CXCL13: variants seen among roughly 807,000 people sequenced by gnomAD.
The protein encoded by CXCL13 is C-X-C motif chemokine 13.
A neutral mutation model predicts 12.2 loss-of-function variants in CXCL13; 7 were observed. The ratio of observed to expected loss-of-function variants is 0.57; its 90% CI spans 0.33 to 1.07. The LOEUF (loss-of-function observed/expected upper bound fraction) is 1.07. CXCL13 is among the 50% of genes least tolerant of loss of function. CXCL13 has a pLI of 0.04. For synonymous variants in CXCL13, 47 were observed against 42.4 expected, an observed-to-expected ratio of 1.11 and a Z score of -0.42; for missense variants, 113 against 127.4, an observed-to-expected ratio of 0.89 and a Z score of 0.55.
intron 1 of CXCL13, among the ~76,000 whole-genome samples, chr4:77,599,366 TACAATGTAAAC>T (rs1474267563): frequency 1.3e-5 from 2 of 152,310 alleles, no homozygotes; most frequent in Middle Eastern, 3.4e-3. Flanking sequence ...TAATACCTAA[TACAATGTAAAC>T]ACTATGTAAA....
At chr4:77,601,265 G>T (rs1008013637), upstream of CXCL13, among the ~76,000 whole-genome samples, 4 of 152,176 alleles carry the variant, frequency 2.6e-5, no homozygotes, top group African/African-American at 9.7e-5. Flanking sequence ...GCTGTTGAAA[G>T]CAGCTCGCTC....
rs565465012 is a variant in CXCL13 at position 77,607,312 on chromosome 4, T to C, written c.65-391T>C. Among the ~76,000 whole-genome samples, 54 of 152,304 alleles carry C rather than the reference T, an allele frequency of 3.5e-4. No homozygotes were observed. In the South Asian group the frequency reaches 0.011, roughly 30 times the overall value. On this transcript the variant is annotated intron_variant, in intron 1 of 3. Coordinates refer to ENST00000682537, the MANE Select transcript of CXCL13 (RefSeq NM_001371558.1). ...ACTATCACAAATTTCAAAATTGCTGTGTTTTTTTGAAAGCTAATTTTTGTT... is the reference window on the plus strand; with the variant it reads ...ACTATCACAAATTTCAAAATTGCTGCGTTTTTTTGAAAGCTAATTTTTGTT...
At chr4:77,568,189 G>T (rs1181399976) in intron 1 of CXCL13, among the ~76,000 whole-genome samples, 1 of 152,196 alleles carries the variant, frequency 6.6e-6, no homozygotes, top group Admixed American at 6.5e-5. Flanking sequence ...AGATGGGCAT[G>T]TCTCCTTTTG....
chr4:77,523,325 C>T (rs921803620), intron 1 of CXCL13, among the ~76,000 whole-genome samples: 1 of 152,160 alleles, frequency 6.6e-6, no homozygotes, highest in Non-Finnish European at 1.5e-5. Flanking sequence ...GTTCCATTCT[C>T]CCGATCACTT....
chr4:77,548,677 G>A (rs1725435258), intron 1 of CXCL13, among the ~76,000 whole-genome samples: 2 of 152,190 alleles, frequency 1.3e-5, no homozygotes, highest in Non-Finnish European at 2.9e-5. Context: ...TTCTCTTCTG[G>A]CTTGTAGAGC....
chr4:77,545,441 TCTC>T (rs1725336789), intron 1 of CXCL13, among the ~76,000 whole-genome samples: 1 of 152,178 alleles, frequency 6.6e-6, no homozygotes, highest in Non-Finnish European at 1.5e-5. Context: ...GGTTTGTAGT[TCTC>T]CTTGAAGAGG....
At chr4:77,532,838 C>T (rs528839272) in intron 1 of CXCL13, among the ~76,000 whole-genome samples, 33 of 152,288 alleles carry the variant, frequency 2.2e-4, no homozygotes, top group African/African-American at 7.0e-4. Context: ...TCAATCAAGT[C>T]GGCTACTGAG....
At chr4:77,549,959 G>T (rs144574550) in intron 1 of CXCL13, among the ~76,000 whole-genome samples, 3 of 152,228 alleles carry the variant, frequency 2.0e-5, no homozygotes, top group Non-Finnish European at 4.4e-5. Context: ...GGAGTCTACA[G>T]AGGCAGGCAG....
intron 1 of CXCL13, among the ~76,000 whole-genome samples, chr4:77,514,247 A>G (rs1313063016): frequency 1.3e-5 from 2 of 152,138 alleles, no homozygotes; most frequent in East Asian, 1.9e-4. Context: ...GCTATTGTGA[A>G]TAGTGCTGCA....
intron 1 of CXCL13, among the ~76,000 whole-genome samples, chr4:77,523,881 C>G (rs1394761811): frequency 1.3e-5 from 2 of 151,910 alleles, no homozygotes; most frequent in Admixed American, 6.6e-5. Flanking sequence ...TGGTGACCTA[C>G]AGATGGGGTT....
intron 1 of CXCL13, among the ~76,000 whole-genome samples, chr4:77,531,325 C>G (rs1724912103): frequency 7.5e-6 from 1 of 133,218 alleles, no homozygotes; most frequent in Non-Finnish European, 1.5e-5. Context: ...CTTCCTGTGT[C>G]CATGTGTTCT....
At chr4:77,609,759 G>GCA (rs1482905113) in intron 2 of CXCL13, among the ~76,000 whole-genome samples, 2 of 152,172 alleles carry the variant, frequency 1.3e-5, no homozygotes, top group African/African-American at 2.4e-5. Context: ...ACTATATCTG[G>GCA]CACTTGGTAA....
At position 77,593,412 on chromosome 4, in the gene CXCL13, G is replaced by A. The variant is rs57111535; in HGVS notation, c.-42-12412G>A. 5.0e-3 allele frequency among the ~76,000 whole-genome samples: 759 copies of A among 152,272 alleles called. 8 individuals carry two copies. The highest frequency in any genetic ancestry group is 0.017 in the African/African-American group (723 of 41,544). On this transcript the variant is annotated intron_variant, in intron 1 of 4. Coordinates refer to the CXCL13 transcript ENST00000286758. Reference sequence around the variant, plus strand: ...GGAATCATACCTAAGTTCGAGAGTCGTCACTGGTGCCATCACGATGAATGA... The same window carrying A: ...GGAATCATACCTAAGTTCGAGAGTCATCACTGGTGCCATCACGATGAATGA...
chr4:77,524,729 A>T (rs557485352), intron 1 of CXCL13, among the ~76,000 whole-genome samples: 115 of 152,058 alleles, frequency 7.6e-4, no homozygotes, highest in African/African-American at 2.7e-3. Flanking sequence ...GGCTGCATCC[A>T]CTGTCCAACC....
At chr4:77,562,666 AC>A (rs1443894425) in intron 1 of CXCL13, among the ~76,000 whole-genome samples, 1 of 142,786 alleles carries the variant, frequency 7.0e-6, no homozygotes, top group Non-Finnish European at 1.5e-5. Flanking sequence ...GACTTGGAGA[AC>A]CTTTATGTCT....
At chr4:77,569,881 A>G (rs973713252) in intron 1 of CXCL13, among the ~76,000 whole-genome samples, 1 of 152,246 alleles carries the variant, frequency 6.6e-6, no homozygotes, top group Admixed American at 6.5e-5. Flanking sequence ...ACTATACTAC[A>G]GGGCTACAGT....
chr4:77,533,874 C>T (rs893554756), intron 1 of CXCL13, among the ~76,000 whole-genome samples: 1 of 152,176 alleles, frequency 6.6e-6, no homozygotes, highest in African/African-American at 2.4e-5. Context: ...TTTGCTAAGA[C>T]CTTTGGAAAA....
intron 1 of CXCL13, among the ~76,000 whole-genome samples, chr4:77,543,826 C>T (rs746806687): frequency 6.6e-6 from 1 of 151,988 alleles, no homozygotes; most frequent in African/African-American, 2.4e-5. Flanking sequence ...TATACATGTG[C>T]CATGTTGGTG....
Position 77,580,054 on chromosome 4 carries a change from G to A in CXCL13, c.-42-25770G>A, listed in dbSNP as rs7685585. ...TACAAACCAGCTGACTATCAGCCAG[G>A]TGCAGGTTGATTATTAAAACTAAGG... On this transcript the variant is annotated intron_variant, in intron 1 of 4. Transcript: ENST00000286758. Among the ~76,000 whole-genome samples the A allele has an allele frequency of 5.4e-3, 820 of 152,194 alleles. 9 individuals are homozygous for A. The highest frequency in any genetic ancestry group is 0.019 in the African/African-American group (786 of 41,530).
Sources: allele counts gnomAD v4.1 joint callset (sites outside exome capture counted in the v4.1 genomes callset), GRCh38; gene constraint gnomAD v4.1.1; transcripts MANE v1.5; gene names NCBI Gene and HGNC (gene_info 2026-07-23, HGNC 2026-07-21).